The following OSBPL10 variants were observed in gnomAD, a reference collection of about 807,000 sequenced individuals.
The protein encoded by OSBPL10 is oxysterol binding protein like 10.
A neutral mutation model predicts 81.7 loss-of-function variants in OSBPL10; 49 were observed. The observed-to-expected ratio is 0.60, with a 90% CI of 0.48 to 0.76. OSBPL10 has a LOEUF of 0.76. Among genes scored for constraint, OSBPL10 ranks in the 30% least tolerant of loss-of-function variants. The pLI is 0.00. For missense variants in OSBPL10, 923 were observed against 987.8 expected, an observed-to-expected ratio of 0.93 and a Z score of 0.88; for synonymous variants, 419 against 383.6, an observed-to-expected ratio of 1.09 and a Z score of -1.08.
At chr3:31,899,825 A>G (rs533084921) in intron 1 of OSBPL10, among the ~76,000 whole-genome samples, 1 of 152,180 alleles carries the variant, frequency 6.6e-6, no homozygotes, top group Non-Finnish European at 1.5e-5. Flanking sequence ...TACAAAAAAA[A>G]TTTTTTTAAT....
intron 1 of OSBPL10, among the ~76,000 whole-genome samples, chr3:32,059,324 C>T (rs1180086265): frequency 3.6e-4 from 54 of 151,294 alleles, no homozygotes; most frequent in Non-Finnish European, 1.5e-5. Flanking sequence ...CACAGTGGCT[C>T]ACGCCTGTAA....
chr3:31,799,379 TAAAAAAA>T lies in OSBPL10; in HGVS notation c.729+30654_729+30660del, dbSNP rs61157535. Among the ~76,000 whole-genome samples, 97 of 56,246 alleles carry T rather than the reference TAAAAAAA, an allele frequency of 1.7e-3. 1 individual carries two copies. The East Asian group carries it at 0.054, about 31-fold the overall frequency. The allele number at this position is 56,246 out of a possible 152,430, so 36.9% of individuals were successfully genotyped here. ...CAACATAGCAAGACCCCTATCTCTT[TAAAAAAA>T]AAAAAAAAAAAAAAAAAAAATGGAA... On this transcript the variant is annotated intron_variant, in intron 4 of 11. Coordinates refer to ENST00000396556, the MANE Select transcript of OSBPL10 (RefSeq NM_017784.5).
At chr3:31,767,483 T>A (rs1575531029) in intron 4 of OSBPL10, among the ~76,000 whole-genome samples, 1 of 152,316 alleles carries the variant, frequency 6.6e-6, no homozygotes, top group East Asian at 1.9e-4. Context: ...CCTAGAAAGC[T>A]TTTCCTCCCC....
At chr3:31,921,069 C>T (rs961012692) in intron 1 of OSBPL10, among the ~76,000 whole-genome samples, 12 of 151,954 alleles carry the variant, frequency 7.9e-5, no homozygotes, top group South Asian at 2.1e-4. Context: ...TGGGGGTGAA[C>T]GATAAACTAG....
chr3:31,997,113 A>C (rs1467316136), intron 2 of OSBPL10, among the ~76,000 whole-genome samples: 1 of 152,192 alleles, frequency 6.6e-6, no homozygotes. Context: ...TTACTAGCAC[A>C]CATTATGCAG....
At chr3:31,905,750 ATAT>A (rs1696392122) in intron 1 of OSBPL10, among the ~76,000 whole-genome samples, 1 of 152,048 alleles carries the variant, frequency 6.6e-6, no homozygotes, top group South Asian at 2.1e-4. Flanking sequence ...ATTGACTATG[ATAT>A]TATTCAAATC....
chr3:32,071,733 C>T (rs4955233), intron 1 of OSBPL10, among the ~76,000 whole-genome samples: 73,177 of 141,686 alleles, frequency 0.52, 14,016 homozygotes, highest in East Asian at 0.79. Flanking sequence ...TTCTGCTCCC[C>T]GGCTCCTTCA....
chr3:31,939,542 T>A (rs1697479749), intron 1 of OSBPL10, among the ~76,000 whole-genome samples: 1 of 151,854 alleles, frequency 6.6e-6, no homozygotes, highest in Non-Finnish European at 1.5e-5. Context: ...TCTAGATTTA[T>A]CTCTCCCAAC....
At chr3:31,796,975 T>C (rs1424248491) in intron 4 of OSBPL10, among the ~76,000 whole-genome samples, 1 of 144,422 alleles carries the variant, frequency 6.9e-6, no homozygotes, top group Non-Finnish European at 1.5e-5. Context: ...ATGATTTTTA[T>C]TTTATTAATT....
intron 1 of OSBPL10, among the ~76,000 whole-genome samples, chr3:31,958,337 T>C (rs531003977): frequency 1.1e-4 from 16 of 152,332 alleles, no homozygotes; most frequent in African/African-American, 3.6e-4. Flanking sequence ...CCTCACAAAT[T>C]AGTCCTTAAA....
At chr3:31,932,408 T>C (rs1697273616) in intron 1 of OSBPL10, among the ~76,000 whole-genome samples, 1 of 152,186 alleles carries the variant, frequency 6.6e-6, no homozygotes, top group Non-Finnish European at 1.5e-5. Flanking sequence ...ATGGCTTAAG[T>C]ACCTTGATGC....
chr3:31,665,735 G>A (rs1415314985), intron 10 of OSBPL10, among the ~76,000 whole-genome samples: 4 of 152,310 alleles, frequency 2.6e-5, no homozygotes, highest in African/African-American at 9.6e-5. Context: ...AAAATGAGGG[G>A]TGGGTGTTGG....
chr3:31,971,786 G>A (rs1698573666), intron 1 of OSBPL10, among the ~76,000 whole-genome samples: 1 of 151,950 alleles, frequency 6.6e-6, no homozygotes, highest in Admixed American at 6.5e-5. Context: ...ATAGAACACA[G>A]ATACATCCAC....
At chr3:31,725,564 A>G (rs1696782552) in intron 6 of OSBPL10, among the ~76,000 whole-genome samples, 1 of 152,208 alleles carries the variant, frequency 6.6e-6, no homozygotes, top group African/African-American at 2.4e-5. Flanking sequence ...AATTCCATGT[A>G]TAACTACAAC....
intron 7 of OSBPL10, among the ~76,000 whole-genome samples, chr3:31,699,740 A>G (rs1243221809): frequency 1.3e-5 from 2 of 152,236 alleles, no homozygotes; most frequent in Non-Finnish European, 2.9e-5. Flanking sequence ...CCATCGCAAG[A>G]TACAGCACTA....
chr3:31,664,774 C>T (rs1487485663), intron 10 of OSBPL10, among the ~76,000 whole-genome samples: 1 of 152,160 alleles, frequency 6.6e-6, no homozygotes, highest in African/African-American at 2.4e-5. Flanking sequence ...GAGGCTGATG[C>T]ATGTGTGATG....
rs183853254 is a variant in OSBPL10, at chr3:32,044,121, A to G, written n.298+2370T>C. Among the ~76,000 whole-genome samples the G allele has an allele frequency of 3.4e-3, 523 of 152,316 alleles. 3 individuals carry two copies. The highest frequency in any genetic ancestry group is 0.012 in the African/African-American group (499 of 41,566). The stretch of plus-strand genomic sequence containing the variant: ...TAAAAGTTGAAATTACTTTTTAACA[A>G]AAGAAAATTCCACATATTTATATTG... On this transcript the variant is annotated intron_variant and non_coding_transcript_variant, in intron 2 of 3. Transcript: ENST00000479173.
intron 1 of OSBPL10, among the ~76,000 whole-genome samples, chr3:32,066,941 G>A (rs1699785181): frequency 6.6e-6 from 1 of 152,192 alleles, no homozygotes; most frequent in Admixed American, 6.5e-5. Context: ...GATCAGAAGA[G>A]ATGATAGCCA....
At chr3:31,760,517 A>G (rs1698002918) in intron 4 of OSBPL10, among the ~76,000 whole-genome samples, 1 of 152,226 alleles carries the variant, frequency 6.6e-6, no homozygotes, top group Non-Finnish European at 1.5e-5. Context: ...AATTCCATGT[A>G]AATAGTTATT....
Sources: allele counts gnomAD v4.1 joint callset (sites outside exome capture counted in the v4.1 genomes callset), GRCh38; gene constraint gnomAD v4.1.1; transcripts MANE v1.5; gene names NCBI Gene and HGNC (gene_info 2026-07-23, HGNC 2026-07-21).